Variants in PSG7 observed in about 807,000 individuals in gnomAD.
The protein encoded by PSG7 is pregnancy-specific beta-1-glycoprotein 7.
In PSG7, 57 loss-of-function variants were observed where a neutral mutation model predicts 45.6. The ratio of observed to expected loss-of-function variants is 1.25; its 90% CI spans 1.01 to 1.56. The LOEUF (loss-of-function observed/expected upper bound fraction) is 1.56, where lower values mean the gene tolerates loss of function less well. PSG7 is among the 40% of genes most tolerant of loss of function. The probability of loss-of-function intolerance (pLI) is 0.00; values close to 1 mark genes in which losing one functional copy is unlikely to be tolerated. For synonymous variants in PSG7, 298 were observed against 194.4 expected (o/e 1.53, Z -4.43); for missense variants, 796 against 508.4 (o/e 1.57, Z -5.44).
At chr19:42,935,338 T>C (rs61433961) in intron 2 of PSG7, 66 bp downstream of exon 2, 238,457 of 1,599,672 alleles carry the variant, frequency 0.15, 22,698 homozygotes, top group Admixed American at 0.21. Flanking sequence ...GCCTGACAAT[T>C]CTGTGTGTGT....
chr19:42,933,299 A>ATTTTTTTTTT (rs1235421771), intron 2 of PSG7, among the ~76,000 whole-genome samples: 3 of 14,650 alleles, frequency 2.0e-4, no homozygotes, highest in Non-Finnish European at 3.0e-4. Flanking sequence ...ATATATATAT[A>ATTTTTTTTTT]TATATATATT....
intron 1 of PSG7, among the ~76,000 whole-genome samples, chr19:42,936,806 C>T (rs909601007): frequency 2.0e-5 from 3 of 151,404 alleles, no homozygotes; most frequent in African/African-American, 7.3e-5. Flanking sequence ...CACCACCATA[C>T]CTGGTTAATT....
rs779848088 is a variant in PSG7 at position 42,926,711 on chromosome 19, G to A, written c.715C>T (p.Leu239=). The change falls in exon 4 of 6, where the codon CTG becomes TTG. Residue 239 remains leucine, a synonymous_variant. Coordinates refer to ENST00000406070, the MANE Select transcript of PSG7 (RefSeq NM_002783.3). ...TTGATGGTGATGTAGGGCTTGGGCA[G>A]CTTCGCTGTGTGAATAACAGAGAGA... ...DPVTLNLLPK[L]PKPYITINNL... 1.2e-6 allele frequency: 2 copies of A among 1,610,168 alleles called. No homozygotes were observed. The highest frequency in any genetic ancestry group is 1.7e-6 in the Non-Finnish European group (2 of 1,178,862).
chr19:42,926,243 C>T (rs1972884850), intron 4 of PSG7, 195 bp downstream of exon 4: 2 of 1,390,680 alleles, frequency 1.4e-6, no homozygotes, highest in Non-Finnish European at 1.9e-6. Flanking sequence ...AGCGTCCACT[C>T]CCCTTATATT....
At chr19:42,929,981 C>G (rs1169504958) in intron 2 of PSG7, among the ~76,000 whole-genome samples, 1 of 151,596 alleles carries the variant, frequency 6.6e-6, no homozygotes, top group Non-Finnish European at 1.5e-5. Flanking sequence ...AGACACAGGA[C>G]CAGCAGTCAC....
chr19:42,926,088 C>A, intron 4 of PSG7, 61 bp from the exon 5 acceptor site: 3 of 1,588,154 alleles, frequency 1.9e-6, no homozygotes, highest in Non-Finnish European at 2.6e-6. Context: ...TGCTCCTGGT[C>A]TCTTAAAGGG....
chr19:42,925,184 G>C (rs62110912), intron 5 of PSG7: 2 of 343,820 alleles, frequency 5.8e-6, no homozygotes, highest in Non-Finnish European at 1.0e-5. Flanking sequence ...GTTCATTCTA[G>C]CTATATTCTT....
At chr19:42,932,507 G>A (rs1216239528) in intron 2 of PSG7, among the ~76,000 whole-genome samples, 1 of 151,316 alleles carries the variant, frequency 6.6e-6, no homozygotes, top group African/African-American at 2.4e-5. Context: ...TGGGTGAAAT[G>A]AGCCCATGGG....
At chr19:42,933,291 A>ATTTTT (rs1448066448) in intron 2 of PSG7, among the ~76,000 whole-genome samples, 1 of 9,706 alleles carries the variant, frequency 1.0e-4, no homozygotes, top group African/African-American at 3.1e-4. Context: ...ATATATATAT[A>ATTTTT]TATATATATA....
rs960392930 is a variant in PSG7, at chr19:42,924,605, T to G, written c.*203A>C. ...ACAGTGTGAAGTCATCAACTTGTTT[T>G]CCTTGTTTACAGTTTGAGCAGCTGT... is the stretch of plus-strand genomic sequence containing the variant. On this transcript the variant is annotated 3_prime_UTR_variant, in exon 6 of 6. Transcript: ENST00000406070. 8 of 639,574 alleles carry G rather than the reference T, an allele frequency of 1.3e-5. No individual in the cohort carries two copies. The highest frequency in any genetic ancestry group is 2.0e-5 in the Non-Finnish European group (7 of 357,836). 39.6% of individuals were successfully genotyped at this position (639,574 alleles called of 1,614,324 possible). A position where few individuals can be genotyped will look rare whatever the true frequency, so the allele number is the denominator to read the frequency against.
Position 42,926,042 on chromosome 19 carries a change from A to T in PSG7, c.989-15T>A. 1 of 1,610,042 alleles carries T rather than the reference A, an allele frequency of 6.2e-7. No individual in the cohort carries two copies. The highest frequency in any genetic ancestry group is 8.5e-7 in the Non-Finnish European group (1 of 1,177,762). On this transcript the variant is annotated splice_polypyrimidine_tract_variant and intron_variant, in intron 4 of 5. Transcript: ENST00000406070. ...GTCTGGACCATCTGGAGGAAAGAGAATAAAGCCACAGGTGATGTTATCCGA... is the reference window on the plus strand; with the variant it reads ...GTCTGGACCATCTGGAGGAAAGAGATTAAAGCCACAGGTGATGTTATCCGA...
In PSG7 at chr19:42,924,557, T is replaced by C. The variant is rs1316931983; in HGVS notation, c.*251A>G. The C allele has an allele frequency of 1.7e-6, 1 of 604,060 alleles. No individual in the cohort carries two copies. Among genetic ancestry groups the C allele is most frequent in the Non-Finnish European group, 2.9e-6 (1 of 340,378 alleles). The allele number at this position is 604,060 out of a possible 1,614,324, so 37.4% of individuals were successfully genotyped here. ...CTCATCATGATGGGGAGTCTTATTC[T>C]GACATCTTGGGAAAAGCTGTCCACA... On this transcript the variant is annotated 3_prime_UTR_variant, in exon 6 of 6. Transcript: ENST00000406070.
Position 42,934,459 on chromosome 19 carries a change from C to G in PSG7, c.430+945G>C, listed in dbSNP as rs544249962. ...ATCTCCCCTTTGTGTTTGTGTGACT[C>G]TGGCTCAGTGACTGTGCTTTCCTGT... On this transcript the variant is annotated intron_variant, in intron 2 of 5. Transcript: ENST00000406070. Among the ~76,000 whole-genome samples, 13 of 151,664 alleles carry G rather than the reference C, an allele frequency of 8.6e-5. No homozygotes were observed. In the South Asian group the frequency reaches 1.5e-3, roughly 17 times the overall value.
chr19:42,936,948 T>C lies in PSG7; in HGVS notation c.64+65A>G, dbSNP rs368108922. The stretch of plus-strand genomic sequence containing the variant: ...TTATTTTTTAGAACCCCATCCTCTC[T>C]AGGAGACCCCATCCAGTCACTCTGC... On this transcript the variant is annotated intron_variant, in intron 1 of 5. Coordinates refer to ENST00000406070, the MANE Select transcript of PSG7 (RefSeq NM_002783.3). 239 of 1,594,936 alleles carry C rather than the reference T, an allele frequency of 1.5e-4. 3 individuals carry two copies. Among genetic ancestry groups the C allele is most frequent in the South Asian group, 3.2e-4 (29 of 90,360 alleles).
chr19:42,935,485 T>C lies in PSG7; in HGVS notation c.349A>G (p.Thr117Ala), dbSNP rs782611740. 9.3e-6 allele frequency: 15 copies of C among 1,612,080 alleles called. No homozygotes were observed. The African/African-American group carries it at 1.1e-4, about 12-fold the overall frequency. The change falls in exon 2 of 6, where the codon ACA (threonine) becomes GCA (alanine). Residue 117 changes from threonine to alanine, a missense_variant. Coordinates refer to ENST00000406070, the MANE Select transcript of PSG7 (RefSeq NM_002783.3). ...ATGATGTGTAAAGTGTAGGATCCTG[T>C]GTCTTCCTGGGTGACATTCTGGATC... Reference protein sequence around the residue: ...LLIQNVTQEDTGSYTLHIIKR... With the variant: ...LLIQNVTQEDAGSYTLHIIKR...
chr19:42,929,156 C>T (rs1568456808), intron 3 of PSG7: 4 of 639,802 alleles, frequency 6.3e-6, no homozygotes, highest in Non-Finnish European at 9.7e-6. Flanking sequence ...GAAGTCCCAG[C>T]CAAATCCCCG....
At chr19:42,932,234 A>G (rs1347834561) in intron 2 of PSG7, among the ~76,000 whole-genome samples, 1 of 151,378 alleles carries the variant, frequency 6.6e-6, no homozygotes, top group Admixed American at 6.6e-5. Context: ...CATGTTAGCC[A>G]GGATGGTCTG....
At chr19:42,931,454 A>T (rs2041108) in intron 2 of PSG7, among the ~76,000 whole-genome samples, 63,900 of 151,116 alleles carry the variant, frequency 0.42, 16,430 homozygotes, top group African/African-American at 0.69. Flanking sequence ...AGAAGTGATG[A>T]GTGTTATGTT....
rs371171094 is a variant in PSG7 at position 42,926,137 on chromosome 19, A to C, written c.989-110T>G. The C allele has an allele frequency of 1.2e-4, 180 of 1,504,966 alleles. 8 individuals carry two copies. In the South Asian group the frequency reaches 2.1e-3, roughly 17 times the overall value. The allele number at this position is 1,504,966 out of a possible 1,614,324, so 93.2% of individuals were successfully genotyped here. ...CTGAGCCGAGACACACCCTCAAGTG[A>C]CAGCCAAATCCCCTCTATGTTCACT... On this transcript the variant is annotated intron_variant, in intron 4 of 5. Transcript: ENST00000406070.
Sources: gnomAD v4.1 joint callset for allele counts (sites outside exome capture counted in the v4.1 genomes callset) on GRCh38, gnomAD v4.1.1 for gene constraint, MANE v1.5 for transcripts, NCBI Gene and HGNC (gene_info 2026-07-23, HGNC 2026-07-21) for gene names.